Variants in SIK2 observed in about 807,000 individuals in gnomAD.
SIK2 encodes the protein serine/threonine-protein kinase SIK2.
A neutral mutation model predicts 103.2 loss-of-function variants in SIK2; 29 were observed. The observed-to-expected ratio is 0.28, with a 90% CI of 0.21 to 0.38. The LOEUF is 0.38. Ranked by LOEUF, SIK2 falls within the 10% of genes least tolerant of loss-of-function variation. SIK2 has a pLI of 1.00. For synonymous variants in SIK2, 412 were observed against 446.1 expected, an observed-to-expected ratio of 0.92 and a Z score of 0.96; for missense variants, 879 against 1,171.0, an observed-to-expected ratio of 0.75 and a Z score of 3.64.
At position 111,670,581 on chromosome 11, in the gene SIK2, G is replaced by A. The variant is rs887113614; in HGVS notation, c.317-17420G>A. On this transcript the variant is annotated intron_variant, in intron 3 of 14. Coordinates refer to ENST00000304987, the MANE Select transcript of SIK2 (RefSeq NM_015191.3). ...GGTAAACTGTTGGGAATATTAGTGCGTGATGAACTTTAAATTTAAAGTAGA... is the reference window on the plus strand; with the variant it reads ...GGTAAACTGTTGGGAATATTAGTGCATGATGAACTTTAAATTTAAAGTAGA... 4.6e-5 allele frequency among the ~76,000 whole-genome samples: 7 copies of A among 152,170 alleles called. No homozygotes were observed. In the East Asian group the frequency reaches 5.8e-4, roughly 13 times the overall value.
In SIK2 at chr11:111,701,444, T is replaced by C; in HGVS notation, c.604-8T>C. On this transcript the variant is annotated splice_polypyrimidine_tract_variant and splice_region_variant and intron_variant, in intron 5 of 14. Transcript: ENST00000304987. This position sits in a 1 kb window ranked among gnomAD's most constrained non-coding sequence, Gnocchi z 4.2. ...GTAGAAAAGTCTCTGCATTGTTTTC[T>C]TCCCTAGAGTATGGGAGTTGTTCTT... The C allele has an allele frequency of 6.2e-7, 1 of 1,611,106 alleles. No individual in the cohort carries two copies. Among genetic ancestry groups the C allele is most frequent in the Middle Eastern group, 1.7e-4 (1 of 6,050 alleles).
chr11:111,698,264 G>A (rs1372681247), intron 4 of SIK2, among the ~76,000 whole-genome samples: 3 of 152,214 alleles, frequency 2.0e-5, no homozygotes, highest in Non-Finnish European at 2.9e-5. Flanking sequence ...GCTACCACGG[G>A]TCCAGAGAAG....
chr11:111,671,525 C>T, intron 3 of SIK2: 1 of 314,022 alleles, frequency 3.2e-6, no homozygotes, highest in East Asian at 9.7e-5. Context: ...TCCTGCAACT[C>T]CTCATACTTG....
chr11:111,623,840 C>A (rs1389621845), intron 3 of SIK2, among the ~76,000 whole-genome samples: 5 of 152,218 alleles, frequency 3.3e-5, no homozygotes, highest in African/African-American at 1.2e-4. Context: ...CTGTGTGTAG[C>A]TCACTCTTAT....
intron 3 of SIK2, among the ~76,000 whole-genome samples, chr11:111,637,482 A>T (rs1338089986): frequency 7.2e-6 from 1 of 139,644 alleles, no homozygotes; most frequent in African/African-American, 2.9e-5. Flanking sequence ...TTTTTTGAGA[A>T]GGAGTCTCCC....
At chr11:111,660,572 G>A (rs754790154) in intron 3 of SIK2, among the ~76,000 whole-genome samples, 6 of 152,184 alleles carry the variant, frequency 3.9e-5, no homozygotes, top group Non-Finnish European at 8.8e-5. Flanking sequence ...ATACCTCTTT[G>A]AGATCAGTCT....
intron 1 of SIK2, among the ~76,000 whole-genome samples, chr11:111,609,042 ATT>A (rs1941684385): frequency 6.6e-6 from 1 of 151,766 alleles, no homozygotes; most frequent in South Asian, 2.1e-4. Flanking sequence ...ACATGTTTAC[ATT>A]TTGTTACTTC....
rs1303032392 is a variant in SIK2, at chr11:111,724,115, G to A, written c.2767G>A (p.Val923Ile). 1.2e-6 allele frequency: 2 copies of A among 1,609,950 alleles called. No individual in the cohort carries two copies. Among genetic ancestry groups the A allele is most frequent in the Non-Finnish European group, 1.7e-6 (2 of 1,178,894 alleles). The change falls in exon 15 of 15, where the codon GTC (valine) becomes ATC (isoleucine). Residue 923 changes from valine to isoleucine, a missense_variant. By Grantham distance (29) the Val-to-Ile change is conservative (BLOSUM62 3). Transcript: ENST00000304987. ...DAVDPQHNGY[V>I]LVN ...TGTGGATCCACAACACAACGGGTAT[G>A]TCCTGGTGAATTAGTCTCAGCACAG...
intron 9 of SIK2, among the ~76,000 whole-genome samples, chr11:111,717,155 A>C (rs1249562676): frequency 6.6e-6 from 1 of 151,882 alleles, no homozygotes; most frequent in Non-Finnish European, 1.5e-5. Context: ...TCTACTAAAA[A>C]TGCAAGAAAA....
chr11:111,626,211 G>A (rs1333586701), intron 3 of SIK2, among the ~76,000 whole-genome samples: 1 of 152,096 alleles, frequency 6.6e-6, no homozygotes, highest in Non-Finnish European at 1.5e-5. Context: ...AAGATAATGA[G>A]TAATAGAATT....
rs912401253 is a variant in SIK2, at chr11:111,694,594, T to A, written c.479-6292T>A. ...AGGCAAAGATAGGAAAAATATTTTT[T>A]AAAAATTTTTAAGTATTTTATTTTT... On this transcript the variant is annotated intron_variant, in intron 4 of 14. Transcript: ENST00000304987. Among the ~76,000 whole-genome samples, 32 of 152,338 alleles carry A rather than the reference T, an allele frequency of 2.1e-4. No homozygotes were observed. The South Asian group carries it at 3.7e-3, about 18-fold the overall frequency.
chr11:111,715,793 C>CTTTTTT lies in SIK2; in HGVS notation c.1266+3438_1266+3443dup, dbSNP rs535843069. The stretch of plus-strand genomic sequence containing the variant: ...ACACGCACACTTGAGTCATTTTTAG[C>CTTTTTT]TTTTTTTTTTTTTTTTTTTTTTTTT... On this transcript the variant is annotated intron_variant, in intron 9 of 14. Transcript: ENST00000304987. Among the ~76,000 whole-genome samples, 221 of 81,602 alleles carry CTTTTTT rather than the reference C, an allele frequency of 2.7e-3. 1 individual carries two copies. Among genetic ancestry groups the CTTTTTT allele is most frequent in the Middle Eastern group, 0.018 (1 of 56 alleles). The allele number at this position is 81,602 out of a possible 152,430, so 53.5% of individuals were successfully genotyped here. A position where few individuals can be genotyped will look rare whatever the true frequency, so the allele number is the denominator to read the frequency against.
chr11:111,627,270 A>T (rs186740164), intron 3 of SIK2, among the ~76,000 whole-genome samples: 6 of 152,332 alleles, frequency 3.9e-5, no homozygotes, highest in Admixed American at 3.9e-4. Flanking sequence ...TATGTACATT[A>T]GTCCCCCCTA....
rs1054329136 is a variant in SIK2, at chr11:111,720,542, G to T, written c.1560G>T (p.Gly520=). ...LDSVDSEYDM[G]SVQRDLNFLE... ...GTGTGGACTCTGAGTATGATATGGG[G>T]TCTGTTCAGAGGGACCTGAACTTTC... Residue 520 remains glycine, a synonymous_variant, in exon 11 of 15, where the codon GGG becomes GGT. Coordinates refer to ENST00000304987, the MANE Select transcript of SIK2 (RefSeq NM_015191.3). The T allele has an allele frequency of 6.2e-7, 1 of 1,614,040 alleles. No homozygotes were observed.
At chr11:111,669,498 A>T (rs1942594093) in intron 3 of SIK2, among the ~76,000 whole-genome samples, 1 of 152,186 alleles carries the variant, frequency 6.6e-6, no homozygotes. Flanking sequence ...CTGGAGGCTA[A>T]GGCAGGAGAA....
chr11:111,644,259 A>G (rs1352192464), intron 3 of SIK2, among the ~76,000 whole-genome samples: 1 of 148,816 alleles, frequency 6.7e-6, no homozygotes, highest in African/African-American at 2.5e-5. Context: ...ACTGCACTCC[A>G]GCCTGGCGAC....
At chr11:111,636,880 G>T (rs562239415) in intron 3 of SIK2, among the ~76,000 whole-genome samples, 2 of 152,258 alleles carry the variant, frequency 1.3e-5, no homozygotes, top group Admixed American at 1.3e-4. Flanking sequence ...CCTTTGTTGT[G>T]AGTTACTGTT....
intron 2 of SIK2, among the ~76,000 whole-genome samples, chr11:111,619,805 A>G (rs1246660887): frequency 6.6e-6 from 1 of 152,234 alleles, no homozygotes; most frequent in East Asian, 1.9e-4. Context: ...GTACTTTGTA[A>G]CAATATTAAA....
intron 4 of SIK2, among the ~76,000 whole-genome samples, chr11:111,690,837 G>A (rs1047544824): frequency 6.6e-6 from 1 of 152,040 alleles, no homozygotes; most frequent in African/African-American, 2.4e-5. Flanking sequence ...TATGTGCCAC[G>A]TTTGCTGTAT....
Sources: allele counts gnomAD v4.1 joint callset (sites outside exome capture counted in the v4.1 genomes callset), GRCh38; gene constraint gnomAD v4.1.1; non-coding constraint Gnocchi (gnomAD v3.1); transcripts MANE v1.5; gene names NCBI Gene and HGNC (gene_info 2026-07-23, HGNC 2026-07-21).